The following MMP20 variants were observed in gnomAD, a reference collection of about 807,000 sequenced individuals.
MMP20 encodes the protein matrix metalloproteinase-20.
MMP20 carries 50 observed loss-of-function variants against 51.8 expected under a neutral mutation model. The observed-to-expected ratio is 0.97, with a 90% CI of 0.77 to 1.22. The LOEUF (loss-of-function observed/expected upper bound fraction) is 1.22, where lower values mean the gene tolerates loss of function less well. MMP20 is among the 50% of genes most tolerant of loss of function. The pLI is 0.00. For synonymous variants in MMP20, 244 were observed against 216.2 expected (o/e 1.13, Z -1.13); for missense variants, 663 against 601.4 (o/e 1.10, Z -1.07).
At chr11:102,584,631 A>T (rs2135929340) in intron 8 of MMP20, among the ~76,000 whole-genome samples, 1 of 152,286 alleles carries the variant, frequency 6.6e-6, no homozygotes, top group Non-Finnish European at 1.5e-5. Context: ...AATTTTGAGT[A>T]AATCCAACTT....
chr11:102,608,536 A>G (rs1223997777), intron 5 of MMP20, among the ~76,000 whole-genome samples: 2 of 152,184 alleles, frequency 1.3e-5, no homozygotes, highest in South Asian at 4.1e-4. Flanking sequence ...TGGCTACATG[A>G]CTGGGTGCAG....
chr11:102,611,341 G>T (rs1205300435), intron 3 of MMP20, among the ~76,000 whole-genome samples: 3 of 152,194 alleles, frequency 2.0e-5, no homozygotes, highest in African/African-American at 4.8e-5. Flanking sequence ...CTGCTTCAAG[G>T]TCACTGTGGA....
chr11:102,599,256 G>A (rs1468834004), intron 6 of MMP20, among the ~76,000 whole-genome samples: 2 of 152,106 alleles, frequency 1.3e-5, no homozygotes, highest in African/African-American at 4.8e-5. Flanking sequence ...CTGACCTCAA[G>A]TGATCTGCCT....
At chr11:102,588,187 A>G (rs1859275522) in intron 8 of MMP20, among the ~76,000 whole-genome samples, 2 of 152,112 alleles carry the variant, frequency 1.3e-5, no homozygotes, top group African/African-American at 4.8e-5. Flanking sequence ...TAAGACTTAT[A>G]CTAAATTAAT....
chr11:102,609,924 C>G lies in MMP20; in HGVS notation c.630G>C (p.Lys210Asn). Residue 210 changes from lysine to asparagine, a missense_variant, in exon 4 of 10, where the codon AAG (lysine) becomes AAC (asparagine). Transcript: ENST00000260228. ...GGDTHFDNAE[K>N]WTMGTNGFNL... ...ATATACCATTCGTTCCCATAGTCCA[C>G]TTCTCAGCATTGTCGAAATGTGTAT... The G allele has an allele frequency of 1.2e-6, 2 of 1,614,198 alleles. No homozygotes were observed. The highest frequency in any genetic ancestry group is 1.7e-6 in the Non-Finnish European group (2 of 1,180,024).
intron 8 of MMP20, among the ~76,000 whole-genome samples, chr11:102,588,756 A>G (rs1859281910): frequency 6.6e-6 from 1 of 151,456 alleles, no homozygotes. Flanking sequence ...AACTTTCTTT[A>G]GTATCTCTGG....
At chr11:102,590,663 C>T (rs1591611146) in intron 8 of MMP20, among the ~76,000 whole-genome samples, 1 of 152,174 alleles carries the variant, frequency 6.6e-6, no homozygotes, top group Admixed American at 6.5e-5. Context: ...TGAGAAATGT[C>T]TAAGACAAAT....
chr11:102,579,171 A>ACTT, intron 8 of MMP20, 29 bp from the exon 9 acceptor site: 1 of 1,512,662 alleles, frequency 6.6e-7, no homozygotes, highest in Non-Finnish European at 9.2e-7. Context: ...CATAAATAAT[A>ACTT]TTACTAAGAG....
In MMP20 at chr11:102,577,539, T is replaced by A. The variant is rs1859140459; in HGVS notation, c.1352-113A>T. 11 of 773,560 alleles carry A rather than the reference T, an allele frequency of 1.4e-5. No individual in the cohort carries two copies. In the East Asian group the frequency reaches 3.0e-4, roughly 21 times the overall value. The allele number at this position is 773,560 out of a possible 1,614,324, so 47.9% of individuals were successfully genotyped here. The stretch of plus-strand genomic sequence containing the variant: ...TGTCACCAAAGAGGAATTGTGAATT[T>A]GTCAGGTGGCAGTTAGCTTGTCTTC... On this transcript the variant is annotated intron_variant, in intron 9 of 9. Transcript: ENST00000260228.
intron 6 of MMP20, among the ~76,000 whole-genome samples, chr11:102,596,986 A>G (rs1340464691): frequency 6.6e-6 from 1 of 152,196 alleles, no homozygotes; most frequent in Admixed American, 6.5e-5. Context: ...TGTTCCAATT[A>G]ATGCAATTCA....
chr11:102,587,442 T>C (rs1859267175), intron 8 of MMP20, among the ~76,000 whole-genome samples: 1 of 152,218 alleles, frequency 6.6e-6, no homozygotes, highest in Non-Finnish European at 1.5e-5. Flanking sequence ...GGGTATAGCA[T>C]TCTATAGATA....
chr11:102,578,915 G>T (rs1012333746), intron 9 of MMP20, 124 bp downstream of exon 9: 20 of 726,796 alleles, frequency 2.8e-5, no homozygotes, highest in Non-Finnish European at 4.7e-5. Context: ...CTTATGAAAG[G>T]ACCTAAGACC....
chr11:102,607,023 A>G (rs149336200), intron 5 of MMP20: 84 of 273,478 alleles, frequency 3.1e-4, no homozygotes, highest in African/African-American at 1.7e-3. Flanking sequence ...TTATTTTATT[A>G]TAGAACTTCT....
chr11:102,595,317 A>G (rs1054721028), intron 6 of MMP20, among the ~76,000 whole-genome samples: 9 of 152,142 alleles, frequency 5.9e-5, no homozygotes, highest in Non-Finnish European at 1.2e-4. Context: ...CATTTCTGTG[A>G]TCCCCTCTCC....
chr11:102,610,477 G>T (rs1859584059), intron 3 of MMP20, among the ~76,000 whole-genome samples: 1 of 152,132 alleles, frequency 6.6e-6, no homozygotes, highest in Non-Finnish European at 1.5e-5. Flanking sequence ...CAGTGATAGT[G>T]AATTGAACAA....
chr11:102,585,861 T>C (rs1013620448), intron 8 of MMP20, among the ~76,000 whole-genome samples: 1 of 152,220 alleles, frequency 6.6e-6, no homozygotes, highest in African/African-American at 2.4e-5. Context: ...TTACTGTATC[T>C]ACTGAGATGA....
intron 8 of MMP20, among the ~76,000 whole-genome samples, chr11:102,581,052 T>C (rs1026027157): frequency 6.6e-6 from 1 of 152,158 alleles, no homozygotes; most frequent in African/African-American, 2.4e-5. Context: ...TCTGACTCTG[T>C]TACCTGCTGA....
chr11:102,597,766 C>A (rs1439821773), intron 6 of MMP20, among the ~76,000 whole-genome samples: 2 of 152,030 alleles, frequency 1.3e-5, no homozygotes, highest in African/African-American at 4.8e-5. Context: ...TGACAAATTT[C>A]TTTTCTTTTC....
chr11:102,581,577 G>T (rs921226827), intron 8 of MMP20, among the ~76,000 whole-genome samples: 2 of 152,138 alleles, frequency 1.3e-5, no homozygotes, highest in African/African-American at 4.8e-5. Context: ...ATAAATAAAT[G>T]ATGAAGAGAA....
Sources: allele counts gnomAD v4.1 joint callset (sites outside exome capture counted in the v4.1 genomes callset), GRCh38; gene constraint gnomAD v4.1.1; transcripts MANE v1.5; gene names NCBI Gene and HGNC (gene_info 2026-07-23, HGNC 2026-07-21).